Variants in MIER1 observed in about 807,000 individuals in gnomAD.
MIER1 encodes MIER1 transcriptional regulator, also known as mesoderm induction early response protein 1.
In MIER1, 40 loss-of-function variants were observed where a neutral mutation model predicts 75.7. The observed-to-expected ratio is 0.53, with a 90% confidence interval of 0.41 to 0.69. MIER1 has a LOEUF of 0.69. Among genes scored for constraint, MIER1 ranks in the 30% least tolerant of loss-of-function variants. MIER1 has a pLI of 0.00. For missense variants in MIER1, 574 were observed against 680.2 expected (o/e 0.84, Z 1.74); for synonymous variants, 213 against 223.4 (o/e 0.95, Z 0.42).
Position 66,977,672 on chromosome 1 carries a change from A to G in MIER1, c.1229+950A>G, listed in dbSNP as rs376754113. On this transcript the variant is annotated intron_variant, in intron 12 of 13. Transcript: ENST00000401041. Reference sequence around the variant, plus strand: ...GTGAAACATTCCACTACCACTGGCAATTTGTTACTTAAACAGAAAAGAGTA... The same window carrying G: ...GTGAAACATTCCACTACCACTGGCAGTTTGTTACTTAAACAGAAAAGAGTA... Among the ~76,000 whole-genome samples, 25 of 152,182 alleles carry G rather than the reference A, an allele frequency of 1.6e-4. 2 individuals carry two copies. Among genetic ancestry groups the G allele is most frequent in the Admixed American group, 9.8e-4 (15 of 15,274 alleles).
chr1:66,931,062 C>T (rs1653197759), intron 2 of MIER1, among the ~76,000 whole-genome samples: 1 of 151,232 alleles, frequency 6.6e-6, no homozygotes, highest in Admixed American at 6.6e-5. Context: ...CAGGCTTCCC[C>T]CCACCCCCTT....
At chr1:66,964,185 C>A (rs906664145) in intron 8 of MIER1, among the ~76,000 whole-genome samples, 2 of 150,478 alleles carry the variant, frequency 1.3e-5, no homozygotes, top group Non-Finnish European at 3.0e-5. Flanking sequence ...GATTCTCCTG[C>A]CTCAGCCTCC....
Position 66,946,597 on chromosome 1 carries a change from T to C in MIER1, c.339+302T>C, listed in dbSNP as rs1017729544. On this transcript the variant is annotated intron_variant, in intron 4 of 13. Transcript: ENST00000401041. Reference sequence around the variant, plus strand: ...TAAAAGGATTCTACACGGCCTCATATATCCTTTGTCCTTCCCCAGTTACCA... The same window carrying C: ...TAAAAGGATTCTACACGGCCTCATACATCCTTTGTCCTTCCCCAGTTACCA... 1.4e-5 allele frequency: 15 copies of C among 1,036,804 alleles called. No individual in the cohort carries two copies. In the Admixed American group the frequency reaches 3.3e-4, roughly 23 times the overall value. 64.2% of individuals were successfully genotyped at this position (1,036,804 alleles called of 1,614,324 possible).
intron 11 of MIER1, among the ~76,000 whole-genome samples, chr1:66,974,955 A>G (rs1416127167): frequency 6.6e-6 from 1 of 152,182 alleles, no homozygotes; most frequent in Non-Finnish European, 1.5e-5. Flanking sequence ...CTTAGTTCGA[A>G]TCTATCTAGA....
At chr1:66,976,530 A>G in intron 11 of MIER1, 65 bp from the exon 12 acceptor site, 2 of 1,460,982 alleles carry the variant, frequency 1.4e-6, no homozygotes, top group Non-Finnish European at 1.8e-6. Flanking sequence ...CAAACTTCAG[A>G]TGTTTATCAT....
At chr1:66,943,223 G>A (rs920972753) in intron 3 of MIER1, among the ~76,000 whole-genome samples, 1 of 152,110 alleles carries the variant, frequency 6.6e-6, no homozygotes, top group African/African-American at 2.4e-5. Context: ...AAGAGAAAAG[G>A]ATTGGGACAG....
intron 2 of MIER1, among the ~76,000 whole-genome samples, chr1:66,934,705 A>G (rs1288156174): frequency 1.3e-5 from 2 of 151,274 alleles, no homozygotes; most frequent in Non-Finnish European, 2.9e-5. Flanking sequence ...CTTATTTTCT[A>G]TGATATCATT....
At chr1:66,954,961 A>C (rs1659789172) in intron 4 of MIER1, among the ~76,000 whole-genome samples, 1 of 152,106 alleles carries the variant, frequency 6.6e-6, no homozygotes, top group Non-Finnish European at 1.5e-5. Flanking sequence ...TGCCAGCCTC[A>C]GCCTCCCAAA....
chr1:66,965,024 AAT>A (rs1462657443), intron 8 of MIER1, among the ~76,000 whole-genome samples: 7 of 152,216 alleles, frequency 4.6e-5, no homozygotes, highest in Non-Finnish European at 8.8e-5. Context: ...TTGTGATAGC[AAT>A]ATGTTTTAAT....
At chr1:66,960,430 T>C (rs1216062767) in intron 7 of MIER1, among the ~76,000 whole-genome samples, 1 of 152,184 alleles carries the variant, frequency 6.6e-6, no homozygotes, top group African/African-American at 2.4e-5. Flanking sequence ...TATAAAATTA[T>C]ATAGCATATA....
chr1:66,986,696 A>G lies in MIER1; in HGVS notation c.*1796A>G. On this transcript the variant is annotated 3_prime_UTR_variant, in exon 14 of 14. Transcript: ENST00000401041. ...CTTAATGTACATTCACTGTTGTTAC[A>G]TACATATCTAAGTAAATCAAAGTTT... The G allele has an allele frequency of 2.3e-6, 1 of 437,112 alleles. No homozygotes were observed. The highest frequency in any genetic ancestry group is 4.1e-6 in the Non-Finnish European group (1 of 246,086). 27.1% of individuals were successfully genotyped at this position (437,112 alleles called of 1,614,324 possible).
intron 3 of MIER1, chr1:66,940,340 TGTA>T (rs1312645214): frequency 3.8e-6 from 1 of 266,628 alleles, no homozygotes; most frequent in Admixed American, 5.4e-5. Context: ...TTGTTTGACT[TGTA>T]GTATATATAT....
chr1:66,985,119 TTGAA>T lies in MIER1; in HGVS notation c.*224_*227del. On this transcript the variant is annotated 3_prime_UTR_variant, in exon 14 of 14. Coordinates refer to ENST00000401041, the MANE Select transcript of MIER1 (RefSeq NM_001077700.3). ...AAGGGTATTTTAAAAATTAGTAAAT[TTGAA>T]TGAACTAAAGATATATCTCTACCTT... 1 of 1,194,770 alleles carries T rather than the reference TTGAA, an allele frequency of 8.4e-7. No homozygotes were observed. The allele number at this position is 1,194,770 out of a possible 1,614,324, so 74.0% of individuals were successfully genotyped here. A position where few individuals can be genotyped will look rare whatever the true frequency, so the allele number is the denominator to read the frequency against.
Position 66,930,498 on chromosome 1 carries a change from C to T in MIER1, c.168+4256C>T, listed in dbSNP as rs1652926551. The T allele has an allele frequency of 3.0e-5, 38 of 1,280,006 alleles. 1 individual carries two copies. In the South Asian group the frequency reaches 4.7e-4, roughly 16 times the overall value. 79.3% of individuals were successfully genotyped at this position (1,280,006 alleles called of 1,614,324 possible). On this transcript the variant is annotated intron_variant, in intron 2 of 13. Coordinates refer to ENST00000401041, the MANE Select transcript of MIER1 (RefSeq NM_001077700.3). ...GGGCCTGGCCAGGAGAGGCCCGGCC[C>T]TGCTGGCGCCGCTGCCCACCTGTTG...
chr1:66,939,959 A>T, intron 2 of MIER1, 69 bp from the exon 3 acceptor site: 2 of 1,256,940 alleles, frequency 1.6e-6, no homozygotes, highest in South Asian at 2.5e-5. Flanking sequence ...TCATTGAATA[A>T]TTTCGGTAAT....
intron 9 of MIER1, among the ~76,000 whole-genome samples, chr1:66,971,268 G>A (rs1663549909): frequency 6.6e-6 from 1 of 152,004 alleles, no homozygotes; most frequent in Admixed American, 6.6e-5. Flanking sequence ...ATTATCTTAT[G>A]TACATGGTAA....
In MIER1 at chr1:66,981,845, C is replaced by T; in HGVS notation, c.1296C>T (p.Pro432=). 6.2e-7 allele frequency: 1 copy of T among 1,614,030 alleles called. No homozygotes were observed. The highest frequency in any genetic ancestry group is 8.5e-7 in the Non-Finnish European group (1 of 1,179,898). Residue 432 remains proline (P), a synonymous_variant, in exon 13 of 14, where the codon CCC becomes CCT. Coordinates refer to ENST00000401041, the MANE Select transcript of MIER1 (RefSeq NM_001077700.3). ...SAASSRAPSP[P]PTASNSSNSQ... is the part of the protein sequence containing the mutation. ...CATCTAGTCGAGCACCATCCCCTCCCCCAACTGCATCAAACAGTAGTAACA... is the reference window on the plus strand; with the variant it reads ...CATCTAGTCGAGCACCATCCCCTCCTCCAACTGCATCAAACAGTAGTAACA...
At chr1:66,960,428 T>A (rs1340325244) in intron 7 of MIER1, among the ~76,000 whole-genome samples, 1 of 152,210 alleles carries the variant, frequency 6.6e-6, no homozygotes, top group African/African-American at 2.4e-5. Context: ...ATTATAAAAT[T>A]ATATAGCATA....
intron 8 of MIER1, among the ~76,000 whole-genome samples, chr1:66,967,539 T>C (rs1053711220): frequency 3.3e-5 from 5 of 152,196 alleles, no homozygotes; most frequent in Non-Finnish European, 7.3e-5. Context: ...AAGAATGTCA[T>C]TGGTAATTTG....
Sources: gnomAD v4.1 joint callset for allele counts (sites outside exome capture counted in the v4.1 genomes callset) on GRCh38, gnomAD v4.1.1 for gene constraint, MANE v1.5 for transcripts, NCBI Gene and HGNC (gene_info 2026-07-23, HGNC 2026-07-21) for gene names.